SCN9A: variants seen among roughly 807,000 people sequenced by gnomAD.
SCN9A encodes sodium channel protein type 9 subunit alpha.
In SCN9A, 131 loss-of-function variants were observed where a neutral mutation model predicts 187.0. That is an observed-to-expected ratio of 0.70 (90% confidence interval 0.61 to 0.81). The LOEUF is 0.81. SCN9A is among the 30% of genes least tolerant of loss of function. The pLI is 0.00. For synonymous variants in SCN9A, 809 were observed against 808.6 expected (o/e 1.00, Z -0.01); for missense variants, 2,252 against 2,396.6 (o/e 0.94, Z 1.26).
intron 16 of SCN9A, among the ~76,000 whole-genome samples, chr2:166,274,939 C>T (rs968643196): frequency 1.3e-5 from 2 of 152,142 alleles, no homozygotes; most frequent in Non-Finnish European, 1.5e-5. Flanking sequence ...TGGTAGAACT[C>T]ATCACTTCTT....
At position 166,199,787 on chromosome 2, in the gene SCN9A, C is replaced by T; in HGVS notation, c.4852G>A (p.Gly1618Ser). The T allele has an allele frequency of 6.2e-7, 1 of 1,613,860 alleles. No homozygotes were observed. The highest frequency in any genetic ancestry group is 8.5e-7 in the Non-Finnish European group (1 of 1,179,978). ...CCTTTGACTAGACGTAGGATTCGGC[C>T]AATCCTGGCAAGACGGATCACTCGG... Reference protein sequence around the residue: ...LFRVIRLARIGRILRLVKGAK... With the variant: ...LFRVIRLARISRILRLVKGAK... Residue 1618 changes from glycine (G) to serine (S), a missense_variant, in exon 27 of 27, where the codon GGC (glycine) becomes AGC (serine). Gly to Ser is a moderately conservative substitution (Grantham distance 56). This residue lies in a region of SCN9A where 84 missense variants were observed against 134.2 expected (regional missense o/e 0.63). Transcript: ENST00000642356.
chr2:166,270,190 A>T (rs1171418884), intron 17 of SCN9A, among the ~76,000 whole-genome samples: 2 of 152,132 alleles, frequency 1.3e-5, no homozygotes, highest in African/African-American at 4.8e-5. Flanking sequence ...CCAACTACAG[A>T]TGGAAAATAA....
chr2:166,236,398 G>A (rs1457014445), intron 20 of SCN9A, among the ~76,000 whole-genome samples: 1 of 152,000 alleles, frequency 6.6e-6, no homozygotes, highest in Non-Finnish European at 1.5e-5. Flanking sequence ...CATTTAATAT[G>A]TTGTGTGATT....
chr2:166,256,769 G>A (rs1177779499), intron 17 of SCN9A, among the ~76,000 whole-genome samples: 1 of 151,422 alleles, frequency 6.6e-6, no homozygotes, highest in Non-Finnish European at 1.5e-5. Flanking sequence ...ATGATATATA[G>A]TATTCTGTTG....
intron 20 of SCN9A, among the ~76,000 whole-genome samples, chr2:166,233,834 G>A (rs1442767265): frequency 6.6e-6 from 1 of 152,134 alleles, no homozygotes; most frequent in Non-Finnish European, 1.5e-5. Context: ...AATGAAGTGT[G>A]TGATTCTGAA....
At chr2:166,292,181 G>A (rs576986328) in intron 9 of SCN9A, among the ~76,000 whole-genome samples, 1 of 151,982 alleles carries the variant, frequency 6.6e-6, no homozygotes, top group Non-Finnish European at 1.5e-5. Flanking sequence ...ATCTGACAAA[G>A]GTCTAATATT....
chr2:166,343,657 G>T (rs1344944467), intron 1 of SCN9A, among the ~76,000 whole-genome samples: 1 of 152,108 alleles, frequency 6.6e-6, no homozygotes, highest in African/African-American at 2.4e-5. Context: ...CCAGCACTTT[G>T]GGAGGCCGAG....
chr2:166,207,428 T>TTTGTTGTTGTTGTTGTTG (rs61122536), intron 24 of SCN9A, among the ~76,000 whole-genome samples: 11 of 150,058 alleles, frequency 7.3e-5, no homozygotes, highest in African/African-American at 2.7e-4. Context: ...TTAGAGTGTT[T>TTTGTTGTTGTTGTTGTTG]TTGTTGTTGT....
chr2:166,342,801 T>C (rs1699817286), intron 1 of SCN9A, among the ~76,000 whole-genome samples: 1 of 152,212 alleles, frequency 6.6e-6, no homozygotes, highest in Non-Finnish European at 1.5e-5. Flanking sequence ...CTTTTAAAGA[T>C]AAGAATGAAG....
chr2:166,276,402 T>A (rs1295241375), intron 16 of SCN9A: 1 of 152,226 alleles, frequency 6.6e-6, no homozygotes, highest in Non-Finnish European at 1.5e-5. Context: ...TGAATAAAGT[T>A]TATGAACACT....
Position 166,280,565 on chromosome 2 carries a change from G to C in SCN9A, c.2135C>G (p.Pro712Arg), listed in dbSNP as rs867106113. Residue 712 changes from proline to arginine, a missense_variant, in exon 14 of 27, where the codon CCT becomes CGT. Physicochemically the swap from Pro to Arg is moderately radical, Grantham distance 103 (BLOSUM62 -2). Transcript: ENST00000642356. ...TTTGTGTGCAAATCTGTACCACCAA[G>C]GTGGACATTTTTGTCTGGACTCTTC... ...ELEESRQKCP[P>R]WWYRFAHKFL... 5.0e-6 allele frequency: 8 copies of C among 1,586,128 alleles called. No homozygotes were observed. The highest frequency in any genetic ancestry group is 1.3e-5 in the African/African-American group (1 of 74,610).
intron 1 of SCN9A, among the ~76,000 whole-genome samples, chr2:166,371,606 T>C (rs1396575719): frequency 1.3e-5 from 2 of 152,206 alleles, no homozygotes; most frequent in African/African-American, 2.4e-5. Flanking sequence ...CTCTGGATGC[T>C]CTCATAAATC....
chr2:166,359,841 TTTATA>T (rs1238010285), intron 1 of SCN9A, among the ~76,000 whole-genome samples: 9 of 151,634 alleles, frequency 5.9e-5, no homozygotes, highest in Non-Finnish European at 8.8e-5. Flanking sequence ...GTAATAATCA[TTTATA>T]TTATATTTAT....
At chr2:166,244,804 G>T (rs1400079968) in intron 18 of SCN9A, among the ~76,000 whole-genome samples, 1 of 151,974 alleles carries the variant, frequency 6.6e-6, no homozygotes, top group Admixed American at 6.6e-5. Context: ...TTTCACATCA[G>T]TAGTTTGAAA....
chr2:166,332,140 A>G (rs995412810), intron 1 of SCN9A, among the ~76,000 whole-genome samples: 21 of 152,162 alleles, frequency 1.4e-4, no homozygotes, highest in Admixed American at 5.9e-4. Context: ...AATGAAGCCA[A>G]ATAAAGGAAG....
intron 24 of SCN9A, among the ~76,000 whole-genome samples, chr2:166,212,910 T>C (rs1443955621): frequency 1.3e-5 from 2 of 151,928 alleles, no homozygotes; most frequent in Middle Eastern, 3.2e-3. Flanking sequence ...AAAAAATCAA[T>C]AGGAAAATTT....
At chr2:166,306,410 G>A (rs370458490) in intron 4 of SCN9A, 100 bp downstream of exon 4, 68 of 740,532 alleles carry the variant, frequency 9.2e-5, no homozygotes, top group South Asian at 4.4e-4. Flanking sequence ...GGAAGGTAAA[G>A]ATTCCCCATC....
rs1368990645 is a variant in SCN9A, at chr2:166,314,046, G to A, written c.-50-2240C>T. Among the ~76,000 whole-genome samples the A allele has an allele frequency of 1.3e-5, 2 of 152,234 alleles. 1 individual carries two copies. On this transcript the variant is annotated intron_variant, in intron 1 of 26. Coordinates refer to ENST00000642356, the MANE Select transcript of SCN9A (RefSeq NM_001365536.1). ...CTGTCTTATGTGGATGTGGTTCATA[G>A]CACCCCAAAACAATTACCACAGTAA...
rs150902480 is a variant in SCN9A, at chr2:166,308,446, G to A, written c.259-1372C>T. Among the ~76,000 whole-genome samples the A allele has an allele frequency of 6.6e-5, 10 of 152,128 alleles. No homozygotes were observed. The East Asian group carries it at 1.7e-3, about 27-fold the overall frequency. ...TGAGATCTGATGGGTTTAAAAGTGC[G>A]GCATTTCCCTCCTCTTTCTCCCTCT... is the stretch of plus-strand genomic sequence containing the variant. On this transcript the variant is annotated intron_variant, in intron 2 of 26. Coordinates refer to ENST00000642356, the MANE Select transcript of SCN9A (RefSeq NM_001365536.1).
Sources: allele counts gnomAD v4.1 joint callset (sites outside exome capture counted in the v4.1 genomes callset), GRCh38; gene constraint gnomAD v4.1.1; regional missense constraint gnomAD v4.1.1; transcripts MANE v1.5; gene names NCBI Gene and HGNC (gene_info 2026-07-23, HGNC 2026-07-21).